MACROD2: variants seen among roughly 807,000 people sequenced by gnomAD.
The protein encoded by MACROD2 is mono-ADP ribosylhydrolase 2, also known as ADP-ribose glycohydrolase MACROD2.
A neutral mutation model predicts 70.4 loss-of-function variants in MACROD2; 36 were observed. The ratio of observed to expected loss-of-function variants is 0.51; its 90% CI spans 0.39 to 0.68. The LOEUF (loss-of-function observed/expected upper bound fraction) is 0.68. Among genes scored for constraint, MACROD2 ranks in the 30% least tolerant of loss-of-function variants. MACROD2 has a pLI of 0.00. For synonymous variants in MACROD2, 172 were observed against 178.8 expected, an observed-to-expected ratio of 0.96 and a Z score of 0.30; for missense variants, 496 against 538.4, an observed-to-expected ratio of 0.92 and a Z score of 0.78.
intron 5 of MACROD2, among the ~76,000 whole-genome samples, chr20:14,739,336 G>A (rs1008426480): frequency 6.6e-6 from 1 of 151,796 alleles, no homozygotes; most frequent in Non-Finnish European, 1.5e-5. Context: ...TATATTGTAT[G>A]CTACCTTTTT....
chr20:15,484,071 T>TATTTTATTTG (rs2047133728), intron 7 of MACROD2, among the ~76,000 whole-genome samples: 1 of 150,820 alleles, frequency 6.6e-6, no homozygotes, highest in African/African-American at 2.4e-5. Context: ...TATTTTATTT[T>TATTTTATTTG]ATTTTATTTT....
At chr20:15,079,336 C>G (rs2075684981) in intron 5 of MACROD2, among the ~76,000 whole-genome samples, 1 of 152,044 alleles carries the variant, frequency 6.6e-6, no homozygotes, top group Non-Finnish European at 1.5e-5. Flanking sequence ...ACCTAAGCCC[C>G]CCAGTTCCTT....
intron 8 of MACROD2, among the ~76,000 whole-genome samples, chr20:15,687,093 A>G (rs1351200690): frequency 1.3e-5 from 2 of 150,844 alleles, no homozygotes; most frequent in African/African-American, 4.9e-5. Context: ...TCAAGTTTGA[A>G]TGCAGCCCCT....
chr20:14,026,854 G>A (rs997327685), intron 2 of MACROD2, among the ~76,000 whole-genome samples: 16 of 152,166 alleles, frequency 1.1e-4, no homozygotes, highest in African/African-American at 3.4e-4. Context: ...CTGGGGGAAG[G>A]GGCGGCTGTG....
chr20:14,642,961 G>A (rs537717382), intron 4 of MACROD2, among the ~76,000 whole-genome samples: 33 of 151,958 alleles, frequency 2.2e-4, no homozygotes, highest in East Asian at 1.4e-3. Context: ...TGCAGTATCC[G>A]TGGAGCACAG....
intron 4 of MACROD2, among the ~76,000 whole-genome samples, chr20:14,520,811 A>G (rs1600334317): frequency 6.6e-6 from 1 of 151,966 alleles, no homozygotes; most frequent in Non-Finnish European, 1.5e-5. Flanking sequence ...CTTGTTTGTT[A>G]TAGACCAAGT....
chr20:14,151,660 G>C (rs375998651), intron 3 of MACROD2, among the ~76,000 whole-genome samples: 4 of 151,800 alleles, frequency 2.6e-5, no homozygotes, highest in African/African-American at 7.3e-5. Flanking sequence ...ATTTTTGAAA[G>C]AAAAACAAAA....
rs1212453046 is a variant in MACROD2 at position 14,430,340 on chromosome 20, G to C, written c.272-63139G>C. ...AGTCTTTAAAAGAGATCGAAGATGA[G>C]GGAGACTGAAAGTGTGGAGAACATC... is the stretch of plus-strand genomic sequence containing the variant. On this transcript the variant is annotated intron_variant, in intron 3 of 17. Transcript: ENST00000684519. Among the ~76,000 whole-genome samples, 3 of 152,148 alleles carry C rather than the reference G, an allele frequency of 2.0e-5. No homozygotes were observed. In the East Asian group the frequency reaches 5.8e-4, roughly 29 times the overall value.
intron 8 of MACROD2, among the ~76,000 whole-genome samples, chr20:15,515,702 A>C (rs1182355953): frequency 6.6e-6 from 1 of 152,254 alleles, no homozygotes; most frequent in African/African-American, 2.4e-5. Context: ...GGAGCTGAGC[A>C]TGTATAAAGC....
At chr20:15,884,899 T>C (rs1297074744) in intron 9 of MACROD2, among the ~76,000 whole-genome samples, 1 of 152,108 alleles carries the variant, frequency 6.6e-6, no homozygotes, top group East Asian at 1.9e-4. Context: ...ATCTTCTTCC[T>C]GTGTCCATGC....
chr20:14,407,274 G>C (rs2083700723), intron 3 of MACROD2, among the ~76,000 whole-genome samples: 1 of 151,848 alleles, frequency 6.6e-6, no homozygotes, highest in African/African-American at 2.4e-5. Flanking sequence ...TTATTTATTT[G>C]GCAGGTATAA....
At chr20:14,631,097 G>A (rs919313537) in intron 4 of MACROD2, among the ~76,000 whole-genome samples, 3 of 152,056 alleles carry the variant, frequency 2.0e-5, no homozygotes, top group African/African-American at 7.2e-5. Flanking sequence ...AAATTTACAA[G>A]AGTTCATTGC....
chr20:14,132,387 G>T (rs1236721153), intron 3 of MACROD2, among the ~76,000 whole-genome samples: 1 of 152,048 alleles, frequency 6.6e-6, no homozygotes, highest in Non-Finnish European at 1.5e-5. Flanking sequence ...TTAAGTAAAT[G>T]CTGAAATGTA....
chr20:15,356,355 C>G (rs2078287098), intron 6 of MACROD2, among the ~76,000 whole-genome samples: 1 of 152,142 alleles, frequency 6.6e-6, no homozygotes, highest in East Asian at 1.9e-4. Context: ...TAAATGTTCT[C>G]AAAAGTAATT....
intron 8 of MACROD2, among the ~76,000 whole-genome samples, chr20:15,577,333 C>T (rs2048462756): frequency 6.6e-6 from 1 of 152,018 alleles, no homozygotes; most frequent in Non-Finnish European, 1.5e-5. Context: ...CCAACCCCAC[C>T]CTGCGCTGAG....
intron 5 of MACROD2, among the ~76,000 whole-genome samples, chr20:15,100,632 A>C (rs1309465811): frequency 6.6e-6 from 1 of 152,174 alleles, no homozygotes; most frequent in Non-Finnish European, 1.5e-5. Flanking sequence ...AGGAGAAGAC[A>C]GAAGTAAGTA....
chr20:14,896,958 GGCAT>G (rs1312340270), intron 5 of MACROD2, among the ~76,000 whole-genome samples: 7 of 152,042 alleles, frequency 4.6e-5, no homozygotes, highest in African/African-American at 1.7e-4. Context: ...GCAACTAATA[GGCAT>G]TTAGCTTGAG....
chr20:14,805,621 A>C (rs2072629395), intron 5 of MACROD2, among the ~76,000 whole-genome samples: 1 of 152,112 alleles, frequency 6.6e-6, no homozygotes, highest in African/African-American at 2.4e-5. Flanking sequence ...GGGGAGTAAC[A>C]GAGCCAGGGT....
chr20:15,768,413 C>G (rs114469459), intron 8 of MACROD2, among the ~76,000 whole-genome samples: 3,621 of 152,170 alleles, frequency 0.024, 125 homozygotes, highest in African/African-American at 0.083. Flanking sequence ...AGAAAAGATA[C>G]TGTAAAAATA....
Sources: gnomAD v4.1 joint callset for allele counts (sites outside exome capture counted in the v4.1 genomes callset) on GRCh38, gnomAD v4.1.1 for gene constraint, MANE v1.5 for transcripts, NCBI Gene and HGNC (gene_info 2026-07-23, HGNC 2026-07-21) for gene names.